PAFAH1B2: variants seen among roughly 807,000 people sequenced by gnomAD.
PAFAH1B2 encodes the protein platelet activating factor acetylhydrolase 1b catalytic subunit 2, also known as platelet-activating factor acetylhydrolase IB subunit alpha2.
Under a neutral mutation model 28.0 loss-of-function variants are expected in PAFAH1B2, and 8 were observed. That is an observed-to-expected ratio of 0.29 (90% CI 0.17 to 0.52). The LOEUF is 0.52. Among genes scored for constraint, PAFAH1B2 ranks in the 20% least tolerant of loss-of-function variants. PAFAH1B2 has a pLI of 0.97. For synonymous variants in PAFAH1B2, 104 were observed against 103.2 expected (o/e 1.01, Z -0.05); for missense variants, 190 against 282.6 (o/e 0.67, Z 2.35).
At chr11:117,148,992 C>G (rs1253643702) in intron 1 of PAFAH1B2, among the ~76,000 whole-genome samples, 1 of 151,540 alleles carries the variant, frequency 6.6e-6, no homozygotes, top group Non-Finnish European at 1.5e-5. Flanking sequence ...CTCAGCCTCC[C>G]AAGTAGCTGG....
At chr11:117,175,134 A>T, downstream of PAFAH1B2, 1 of 1,223,716 alleles carries the variant, frequency 8.2e-7, no homozygotes, top group African/African-American at 1.6e-5. Context: ...AATAAGCCTT[A>T]TGGCCCCACC....
intron 2 of PAFAH1B2, among the ~76,000 whole-genome samples, chr11:117,156,434 T>C (rs1956256213): frequency 6.6e-6 from 1 of 152,076 alleles, no homozygotes. Context: ...AAGCTAGAAT[T>C]TGAATGTTGG....
At position 117,168,802 on chromosome 11, in the gene PAFAH1B2, GT is replaced by G; in HGVS notation, c.*1107del. ...TATTGGCTTAGTTGTTTTTTGTTTT[GT>G]TTTGTTTGAGATGGAGTTTCACTGT... On this transcript the variant is annotated 3_prime_UTR_variant, in exon 6 of 6. Transcript: ENST00000527958. The G allele has an allele frequency of 1.0e-6, 1 of 966,758 alleles. No individual in the cohort carries two copies. Among genetic ancestry groups the G allele is most frequent in the Non-Finnish European group, 1.3e-6 (1 of 797,646 alleles). The allele number at this position is 966,758 out of a possible 1,614,324, so 59.9% of individuals were successfully genotyped here.
In PAFAH1B2 at chr11:117,159,698, G is replaced by A. The variant is rs111290780; in HGVS notation, c.82-236G>A. 15 of 443,096 alleles carry A rather than the reference G, an allele frequency of 3.4e-5. 1 individual carries two copies. Among genetic ancestry groups the A allele is most frequent in the African/African-American group, 1.8e-4 (9 of 50,620 alleles). The allele number at this position is 443,096 out of a possible 1,614,324, so 27.4% of individuals were successfully genotyped here. On this transcript the variant is annotated intron_variant, in intron 2 of 5. Coordinates refer to ENST00000527958, the MANE Select transcript of PAFAH1B2 (RefSeq NM_002572.4). The stretch of plus-strand genomic sequence containing the variant: ...TGCAGTGAGCCAAGATCACGCCACT[G>A]TACTCCAGCCTGGGTGAGAGAGCCA...
At chr11:117,173,206 A>G (rs549112956), downstream of PAFAH1B2, among the ~76,000 whole-genome samples, 11 of 152,360 alleles carry the variant, frequency 7.2e-5, no homozygotes, top group Non-Finnish European at 1.2e-4. Context: ...AACCAGATGC[A>G]GGGCCTGAGT....
intron 2 of PAFAH1B2, among the ~76,000 whole-genome samples, chr11:117,158,592 A>T (rs1650918199): frequency 6.6e-6 from 1 of 150,922 alleles, no homozygotes; most frequent in Non-Finnish European, 1.5e-5. Context: ...TGAAAAATTG[A>T]ATGTTATGGG....
downstream of PAFAH1B2, chr11:117,175,062 A>G (rs768126438): frequency 2.6e-4 from 338 of 1,303,956 alleles, no homozygotes; most frequent in Non-Finnish European, 3.2e-4. Flanking sequence ...GAATGGTCCC[A>G]TTTCTTTGGT....
chr11:117,174,911 G>C (rs1186743968), downstream of PAFAH1B2: 6 of 1,527,040 alleles, frequency 3.9e-6, no homozygotes, highest in South Asian at 4.8e-5. Context: ...CACCGCACCA[G>C]GCCATCTTCA....
chr11:117,168,446 G>GGTTTT lies in PAFAH1B2; in HGVS notation c.*747_*748insGTTTT. On this transcript the variant is annotated 3_prime_UTR_variant, in exon 6 of 6. Coordinates refer to ENST00000527958, the MANE Select transcript of PAFAH1B2 (RefSeq NM_002572.4). ...TCCCCTTCATTCCCCCCGCCACCCC[G>GGTTTT]TTTTTTTTTTTTTTTTTTTTTTTTT... 1 of 234,818 alleles carries GGTTTT rather than the reference G, an allele frequency of 4.3e-6. No individual in the cohort carries two copies. The highest frequency in any genetic ancestry group is 5.0e-6 in the Non-Finnish European group (1 of 200,706). The allele number at this position is 234,818 out of a possible 1,614,324, so 14.5% of individuals were successfully genotyped here.
rs528644331 is a variant in PAFAH1B2, at chr11:117,154,334, T to A, written c.81+1806T>A. Among the ~76,000 whole-genome samples, 3 of 152,304 alleles carry A rather than the reference T, an allele frequency of 2.0e-5. No individual in the cohort carries two copies. The East Asian group carries it at 5.8e-4, about 29-fold the overall frequency. On this transcript the variant is annotated intron_variant, in intron 2 of 5. Transcript: ENST00000527958. The stretch of plus-strand genomic sequence containing the variant: ...AGAAAAGTAGTAACTAAACTAGATA[T>A]CTTCATTATTCTTGTCTTAAGTTAA...
downstream of PAFAH1B2, among the ~76,000 whole-genome samples, chr11:117,172,231 A>G (rs1436304869): frequency 6.6e-6 from 1 of 151,956 alleles, no homozygotes; most frequent in Admixed American, 6.6e-5. Context: ...ATCTTAACCC[A>G]ATGACATGTT....
At chr11:117,153,010 G>A (rs550174884) in intron 2 of PAFAH1B2, among the ~76,000 whole-genome samples, 1 of 152,266 alleles carries the variant, frequency 6.6e-6, no homozygotes, top group East Asian at 1.9e-4. Context: ...AGGTTGCAGT[G>A]AGCCGAGATT....
rs771003547 is a variant in PAFAH1B2 at position 117,167,497 on chromosome 11, C to T, written c.488C>T (p.Ser163Leu). 22 of 1,611,806 alleles carry T rather than the reference C, an allele frequency of 1.4e-5. No individual in the cohort carries two copies. Among genetic ancestry groups the T allele is most frequent in the African/African-American group, 9.3e-5 (7 of 74,894 alleles). ...NAKVNQLLKVSLPKLANVQLL... is the reference protein window; with the variant it reads ...NAKVNQLLKVLLPKLANVQLL... ...AAGGTGAACCAACTCCTCAAGGTTT[C>T]GCTGCCGAAGCTTGCCAACGTGCAG... Residue 163 changes from serine to leucine, a missense_variant, in exon 6 of 6, where the codon TCG becomes TTG. Physicochemically the swap from Ser to Leu is moderately radical, Grantham distance 145. Coordinates refer to ENST00000527958, the MANE Select transcript of PAFAH1B2 (RefSeq NM_002572.4).
At chr11:117,149,595 T>C (rs1331690925) in intron 1 of PAFAH1B2, among the ~76,000 whole-genome samples, 1 of 146,792 alleles carries the variant, frequency 6.8e-6, no homozygotes, top group African/African-American at 2.5e-5. Flanking sequence ...CCCAGCTAAT[T>C]TTTTTTTTTT....
Position 117,169,296 on chromosome 11 carries a change from AT to A in PAFAH1B2, c.*1599del, listed in dbSNP as rs1591755878. The A allele has an allele frequency of 9.6e-7, 1 of 1,043,170 alleles. No individual in the cohort carries two copies. The highest frequency in any genetic ancestry group is 5.7e-5 in the East Asian group (1 of 17,484). 64.6% of individuals were successfully genotyped at this position (1,043,170 alleles called of 1,614,324 possible). A position where few individuals can be genotyped will look rare whatever the true frequency, so the allele number is the denominator to read the frequency against. ...ATGTTCGAGCTATATAAGAACTGCC[AT>A]TAAAAAAAATGGGATAATAGATGAT... is the stretch of plus-strand genomic sequence containing the variant. On this transcript the variant is annotated 3_prime_UTR_variant, in exon 6 of 6. Transcript: ENST00000527958.
intron 2 of PAFAH1B2, chr11:117,159,341 A>G (rs1310735875): frequency 6.6e-6 from 1 of 152,032 alleles, no homozygotes; most frequent in Non-Finnish European, 1.5e-5. Context: ...GGGATAGACT[A>G]AAAAAAATGT....
chr11:117,164,035 A>T, intron 5 of PAFAH1B2, 143 bp downstream of exon 5: 1 of 783,148 alleles, frequency 1.3e-6, no homozygotes, highest in Non-Finnish European at 2.1e-6. Flanking sequence ...TCTTTAATGT[A>T]TTTTACTGTC....
In PAFAH1B2 at chr11:117,161,246, G is replaced by A. The variant is rs772577463; in HGVS notation, c.273G>A (p.Glu91=). 3 of 1,558,680 alleles carry A rather than the reference G, an allele frequency of 1.9e-6. No homozygotes were observed. Among genetic ancestry groups the A allele is most frequent in the Admixed American group, 2.0e-5 (1 of 49,040 alleles). ...GGAGACTAAAGAATGGAGAACTGGA[G>A]AATATTAAGCCTAAGGTGAAATGAA... The part of the protein sequence containing the change: ...VLWRLKNGEL[E]NIKPKVIVVW... The change falls in exon 4 of 6, where the codon GAG becomes GAA. Residue 91 remains glutamate (E), a synonymous_variant. Transcript: ENST00000527958.
chr11:117,163,583 G>C (rs1227552625), intron 4 of PAFAH1B2, among the ~76,000 whole-genome samples, 187 bp from the exon 5 acceptor site: 2 of 151,392 alleles, frequency 1.3e-5, no homozygotes, highest in Non-Finnish European at 2.9e-5. Context: ...TGAGGCAGGA[G>C]AATCACTTGA....
Sources: gnomAD v4.1 joint callset for allele counts (sites outside exome capture counted in the v4.1 genomes callset) on GRCh38, gnomAD v4.1.1 for gene constraint, MANE v1.5 for transcripts, NCBI Gene and HGNC (gene_info 2026-07-23, HGNC 2026-07-21) for gene names.